Variants in GTF2F2 observed in about 807,000 individuals in gnomAD.
GTF2F2 encodes general transcription factor IIF subunit 2, also known as ATP-dependent helicase GTF2F2.
In GTF2F2, 23 loss-of-function variants were observed where a neutral mutation model predicts 42.2. That is an observed-to-expected ratio of 0.55 (90% CI 0.39 to 0.77). GTF2F2 has a LOEUF of 0.77. Ranked by LOEUF, GTF2F2 falls within the 30% of genes least tolerant of loss-of-function variation. GTF2F2 has a pLI of 0.00. For missense variants in GTF2F2, 261 were observed against 287.2 expected, an observed-to-expected ratio of 0.91 and a Z score of 0.66; for synonymous variants, 105 against 100.8, an observed-to-expected ratio of 1.04 and a Z score of -0.25.
intron 4 of GTF2F2, among the ~76,000 whole-genome samples, chr13:45,165,574 C>G (rs5016855): frequency 0.22 from 33,534 of 149,150 alleles, 4,181 homozygotes; most frequent in African/African-American, 0.27. Flanking sequence ...CTCGCCCCCC[C>G]CCGCCGCCCG....
At chr13:45,200,168 C>T (rs1173172942) in intron 4 of GTF2F2, among the ~76,000 whole-genome samples, 1 of 151,894 alleles carries the variant, frequency 6.6e-6, no homozygotes, top group Non-Finnish European at 1.5e-5. Context: ...ATTTGAGCAG[C>T]TCTGTGAGCT....
At chr13:45,258,647 A>G (rs747703159) in intron 6 of GTF2F2, among the ~76,000 whole-genome samples, 4 of 152,228 alleles carry the variant, frequency 2.6e-5, no homozygotes, top group Non-Finnish European at 5.9e-5. Context: ...CATACAGAAC[A>G]TGAATGCAAA....
intron 7 of GTF2F2, among the ~76,000 whole-genome samples, chr13:45,279,122 G>A (rs146166805): frequency 2.5e-3 from 375 of 152,064 alleles, no homozygotes; most frequent in Non-Finnish European, 3.3e-3. Flanking sequence ...CACACCCGGC[G>A]TAATATGCCT....
At chr13:45,253,355 A>G (rs1041909993) in intron 6 of GTF2F2, among the ~76,000 whole-genome samples, 8 of 152,206 alleles carry the variant, frequency 5.3e-5, no homozygotes, top group African/African-American at 2.4e-5. Context: ...ACCATAAGAA[A>G]GTTTTTAATG....
intron 4 of GTF2F2, among the ~76,000 whole-genome samples, chr13:45,163,681 A>G (rs546745973): frequency 6.6e-6 from 1 of 152,296 alleles, no homozygotes; most frequent in East Asian, 1.9e-4. Context: ...TAAAAACCTC[A>G]TTCAAGGTTA....
At chr13:45,229,646 A>G (rs1478462049) in intron 5 of GTF2F2, among the ~76,000 whole-genome samples, 1 of 152,190 alleles carries the variant, frequency 6.6e-6, no homozygotes, top group African/African-American at 2.4e-5. Context: ...AGAGGTAGGA[A>G]AGATGGTGAA....
chr13:45,163,702 AT>A (rs1328570741), intron 4 of GTF2F2, among the ~76,000 whole-genome samples: 1 of 152,128 alleles, frequency 6.6e-6, no homozygotes, highest in Admixed American at 6.5e-5. Context: ...TAGTAGCATG[AT>A]TTTTTCTCTA....
intron 5 of GTF2F2, among the ~76,000 whole-genome samples, chr13:45,212,540 T>TTCTC (rs113400293): frequency 0.15 from 19,272 of 125,466 alleles, 2,771 homozygotes; most frequent in African/African-American, 0.19. Context: ...CTTTCTCACT[T>TTCTC]TCTCTCTCTC....
At chr13:45,235,105 A>G (rs752934676) in intron 5 of GTF2F2, among the ~76,000 whole-genome samples, 7 of 151,410 alleles carry the variant, frequency 4.6e-5, no homozygotes, top group Non-Finnish European at 1.0e-4. Flanking sequence ...GAAGGCTAAT[A>G]ACATGAACTG....
intron 5 of GTF2F2, among the ~76,000 whole-genome samples, chr13:45,208,565 T>C (rs1873512189): frequency 6.6e-6 from 1 of 152,166 alleles, no homozygotes; most frequent in Admixed American, 6.6e-5. Flanking sequence ...TTGTCGCAGA[T>C]TGTAGGTACA....
At chr13:45,241,184 AATAT>A (rs71697631) in intron 5 of GTF2F2, among the ~76,000 whole-genome samples, 31 of 143,860 alleles carry the variant, frequency 2.2e-4, no homozygotes, top group African/African-American at 5.9e-4. Flanking sequence ...ATAAATATAA[AATAT>A]ATATATATAT....
At chr13:45,210,814 T>A (rs1873601636) in intron 5 of GTF2F2, among the ~76,000 whole-genome samples, 1 of 152,078 alleles carries the variant, frequency 6.6e-6, no homozygotes. Flanking sequence ...TATGGAAAAA[T>A]TTTAAGCTGG....
chr13:45,173,937 GT>G (rs1157615181), intron 4 of GTF2F2, among the ~76,000 whole-genome samples: 1 of 152,118 alleles, frequency 6.6e-6, no homozygotes, highest in African/African-American at 2.4e-5. Flanking sequence ...CTTTTTAAAA[GT>G]GTCGTATAAC....
intron 1 of GTF2F2, among the ~76,000 whole-genome samples, chr13:45,125,540 A>C (rs1341300990): frequency 2.0e-5 from 3 of 151,996 alleles, no homozygotes; most frequent in Non-Finnish European, 2.9e-5. Flanking sequence ...GGATGGTCTC[A>C]ATCTCTTGAC....
chr13:45,181,200 A>AACAAAAAAC (rs1555267023), intron 4 of GTF2F2, among the ~76,000 whole-genome samples: 1 of 132,832 alleles, frequency 7.5e-6, no homozygotes, highest in Non-Finnish European at 1.6e-5. Flanking sequence ...AAAAAAAAAA[A>AACAAAAAAC]AAACCAGAAA....
chr13:45,223,567 A>G (rs973241867), intron 5 of GTF2F2, among the ~76,000 whole-genome samples: 1 of 152,160 alleles, frequency 6.6e-6, no homozygotes, highest in African/African-American at 2.4e-5. Context: ...AGCAGTTTAT[A>G]CTTCTATTTG....
At chr13:45,268,500 A>C (rs1244872585) in intron 7 of GTF2F2, among the ~76,000 whole-genome samples, 2 of 152,128 alleles carry the variant, frequency 1.3e-5, no homozygotes, top group African/African-American at 4.8e-5. Context: ...ACTTTTTAAT[A>C]AGAAGAAAGT....
chr13:45,271,320 C>T (rs1159708283), intron 7 of GTF2F2, among the ~76,000 whole-genome samples: 1 of 151,886 alleles, frequency 6.6e-6, no homozygotes. Context: ...ATAACTGGAC[C>T]TCTTAATTTC....
At chr13:45,144,099 A>G (rs1048641206) in intron 2 of GTF2F2, among the ~76,000 whole-genome samples, 2 of 151,988 alleles carry the variant, frequency 1.3e-5, no homozygotes, top group African/African-American at 4.8e-5. Context: ...TAAAAATACA[A>G]AAATTAGCCA....
Sources: allele counts gnomAD v4.1 joint callset (sites outside exome capture counted in the v4.1 genomes callset), GRCh38; gene constraint gnomAD v4.1.1; transcripts MANE v1.5; gene names NCBI Gene and HGNC (gene_info 2026-07-23, HGNC 2026-07-21).